WDFY4: variants seen among roughly 807,000 people sequenced by gnomAD.
WDFY4 encodes the protein WDFY family member 4, also known as WD repeat- and FYVE domain-containing protein 4.
Under a neutral mutation model 351.9 loss-of-function variants are expected in WDFY4, and 169 were observed. The ratio of observed to expected loss-of-function variants is 0.48; its 90% CI spans 0.42 to 0.55. The LOEUF (loss-of-function observed/expected upper bound fraction) is 0.55. Among genes scored for constraint, WDFY4 ranks in the 20% least tolerant of loss-of-function variants. The probability of loss-of-function intolerance (pLI) is 0.00; values close to 1 mark genes in which losing one functional copy is unlikely to be tolerated. For synonymous variants in WDFY4, 1,622 were observed against 1,574.6 expected, an observed-to-expected ratio of 1.03 and a Z score of -0.71; for missense variants, 3,803 against 3,935.6, an observed-to-expected ratio of 0.97 and a Z score of 0.90.
At chr10:48,761,237 T>C (rs1361830951) in intron 13 of WDFY4, among the ~76,000 whole-genome samples, 1 of 152,026 alleles carries the variant, frequency 6.6e-6, no homozygotes, top group Admixed American at 6.5e-5. Flanking sequence ...CAGGCGATGA[T>C]GGGGATAATG....
intron 5 of WDFY4, among the ~76,000 whole-genome samples, chr10:48,725,100 G>A (rs977805651): frequency 6.6e-5 from 10 of 152,284 alleles, no homozygotes; most frequent in African/African-American, 2.2e-4. Flanking sequence ...GGACAGGTGA[G>A]ACCTTGGTCA....
chr10:48,933,597 G>C (rs1840165201), intron 47 of WDFY4, among the ~76,000 whole-genome samples: 1 of 152,174 alleles, frequency 6.6e-6, no homozygotes, highest in Non-Finnish European at 1.5e-5. Flanking sequence ...CATCCTTATA[G>C]CTCATCCCTC....
At position 48,736,078 on chromosome 10, in the gene WDFY4, C is replaced by G. The variant is rs772450422; in HGVS notation, c.1878+8C>G. 4.5e-6 allele frequency: 7 copies of G among 1,551,750 alleles called. No homozygotes were observed. Among genetic ancestry groups the G allele is most frequent in the South Asian group, 3.6e-5 (3 of 84,066 alleles). On this transcript the variant is annotated splice_region_variant and intron_variant, in intron 11 of 61. Transcript: ENST00000325239. ...AAACTGGATCTCCTGAAGGTGATTTCAAGTCCTCCTTTGAGATTGGCTTCC... is the reference window on the plus strand; with the variant it reads ...AAACTGGATCTCCTGAAGGTGATTTGAAGTCCTCCTTTGAGATTGGCTTCC...
chr10:48,721,049 G>A (rs112500314), intron 3 of WDFY4, among the ~76,000 whole-genome samples: 34 of 152,238 alleles, frequency 2.2e-4, no homozygotes, highest in Admixed American at 3.9e-4. Flanking sequence ...AAACGGGGAC[G>A]GTGGCACAAA....
chr10:48,866,516 C>G (rs1172907872), intron 39 of WDFY4, among the ~76,000 whole-genome samples: 5 of 152,124 alleles, frequency 3.3e-5, no homozygotes, highest in African/African-American at 7.2e-5. Flanking sequence ...TCCTTTTGAG[C>G]TATTTGAAAA....
intron 40 of WDFY4, among the ~76,000 whole-genome samples, chr10:48,871,538 A>G (rs997377522): frequency 4.0e-5 from 6 of 150,474 alleles, no homozygotes; most frequent in Admixed American, 4.0e-4. Context: ...ACAGTCATGT[A>G]AATCATAGCC....
At chr10:48,730,982 G>A in intron 8 of WDFY4, 128 bp from the exon 9 acceptor site, 1 of 1,075,784 alleles carries the variant, frequency 9.3e-7, no homozygotes, top group Non-Finnish European at 1.3e-6. Context: ...GACTTCTGAT[G>A]GACATGTGCC....
At chr10:48,895,401 G>A (rs572731429) in intron 44 of WDFY4, among the ~76,000 whole-genome samples, 44 of 152,336 alleles carry the variant, frequency 2.9e-4, no homozygotes, top group Middle Eastern at 3.4e-3. Context: ...CCTTAGGCTG[G>A]GGCTGGCAGG....
In WDFY4 at chr10:48,974,951, T is replaced by C; in HGVS notation, c.9018T>C (p.Cys3006=). The stretch of plus-strand genomic sequence containing the variant: ...TGAGCGGCTCCCAGGACTGCACCTG[T>C]ATCCTGTGGGATCTGGACCACCTCA... ...LLVSGSQDCT[C]ILWDLDHLTH... Residue 3006 remains cysteine (C), a synonymous_variant, in exon 58 of 62, where the codon TGT becomes TGC. Coordinates refer to ENST00000325239, the MANE Select transcript of WDFY4 (RefSeq NM_001394531.1). 1 of 1,551,676 alleles carries C rather than the reference T, an allele frequency of 6.4e-7. No individual in the cohort carries two copies. Among genetic ancestry groups the C allele is most frequent in the African/African-American group, 1.4e-5 (1 of 73,162 alleles).
At chr10:48,732,349 T>C (rs192866317) in intron 9 of WDFY4, among the ~76,000 whole-genome samples, 70 of 152,336 alleles carry the variant, frequency 4.6e-4, no homozygotes, top group African/African-American at 1.6e-3. Flanking sequence ...CTACACCTGC[T>C]GCTCTGGGAA....
chr10:48,827,891 GTT>G (rs66593679), intron 36 of WDFY4, among the ~76,000 whole-genome samples: 3,712 of 147,882 alleles, frequency 0.025, 158 homozygotes, highest in African/African-American at 0.084. Flanking sequence ...ATTTGGGGAA[GTT>G]TTTTTTTTTT....
intron 49 of WDFY4, among the ~76,000 whole-genome samples, 152 bp from the exon 50 acceptor site, chr10:48,945,888 G>A (rs1841017636): frequency 6.6e-6 from 1 of 152,120 alleles, no homozygotes; most frequent in Non-Finnish European, 1.5e-5. Context: ...TGGCTCTGGG[G>A]CCATAAAACC....
intron 25 of WDFY4, chr10:48,804,608 CAA>C (rs2067194226): frequency 2.0e-6 from 1 of 494,118 alleles, no homozygotes; most frequent in Non-Finnish European, 2.6e-6. Flanking sequence ...GGAATCTGCC[CAA>C]AGTCACCCTC....
In WDFY4 at chr10:48,754,376, C is replaced by T. The variant is rs964090287; in HGVS notation, c.2460-5971C>T. On this transcript the variant is annotated intron_variant, in intron 12 of 61. Coordinates refer to ENST00000325239, the MANE Select transcript of WDFY4 (RefSeq NM_001394531.1). ...TCTTCTCTTTGCTTGAAATGCTTTT[C>T]CCATGGATGTCTGCATCCCGTCTTT... Among the ~76,000 whole-genome samples the T allele has an allele frequency of 8.6e-5, 13 of 151,756 alleles. No individual in the cohort carries two copies. The East Asian group carries it at 2.3e-3, about 27-fold the overall frequency.
chr10:48,828,899 A>T lies in WDFY4; in HGVS notation c.6340+3A>T. The T allele has an allele frequency of 1.1e-6, 1 of 925,650 alleles. No individual in the cohort carries two copies. The highest frequency in any genetic ancestry group is 1.4e-6 in the Non-Finnish European group (1 of 699,756). 57.3% of individuals were successfully genotyped at this position (925,650 alleles called of 1,614,324 possible). A position where few individuals can be genotyped will look rare whatever the true frequency, so the allele number is the denominator to read the frequency against. On this transcript the variant is annotated splice_donor_region_variant and intron_variant, in intron 37 of 61. Coordinates refer to ENST00000325239, the MANE Select transcript of WDFY4 (RefSeq NM_001394531.1). The stretch of plus-strand genomic sequence containing the variant: ...AGACTTACCAAGTTTGAGTGATGGT[A>T]CATTTTATTTGTCATTGTGTGTGTG...
At chr10:48,810,344 A>G (rs1383948427) in intron 28 of WDFY4, among the ~76,000 whole-genome samples, 186 bp from the exon 29 acceptor site, 3 of 152,254 alleles carry the variant, frequency 2.0e-5, no homozygotes, top group Non-Finnish European at 4.4e-5. Context: ...AGACAAATGC[A>G]TCATTTGCAC....
chr10:48,914,571 A>G (rs1191974044), intron 47 of WDFY4, among the ~76,000 whole-genome samples: 3 of 152,128 alleles, frequency 2.0e-5, no homozygotes, highest in African/African-American at 4.8e-5. Context: ...GTTCTTGGAT[A>G]TCTGCCCCTT....
intron 10 of WDFY4, among the ~76,000 whole-genome samples, chr10:48,734,671 A>T (rs2064589326): frequency 6.6e-6 from 1 of 152,116 alleles, no homozygotes; most frequent in Non-Finnish European, 1.5e-5. Flanking sequence ...AGAGTCTTTA[A>T]CATTTAGTCT....
intron 47 of WDFY4, among the ~76,000 whole-genome samples, chr10:48,923,974 C>G (rs1313255924): frequency 6.6e-6 from 1 of 152,212 alleles, no homozygotes; most frequent in African/African-American, 2.4e-5. Flanking sequence ...TGAGAAGAAG[C>G]CCTCCCAGCT....
Sources: allele counts gnomAD v4.1 joint callset (sites outside exome capture counted in the v4.1 genomes callset), GRCh38; gene constraint gnomAD v4.1.1; transcripts MANE v1.5; gene names NCBI Gene and HGNC (gene_info 2026-07-23, HGNC 2026-07-21).